LONP2: variants seen among roughly 807,000 people sequenced by gnomAD.
LONP2 encodes lon peptidase 2, peroxisomal.
LONP2 carries 60 observed loss-of-function variants against 85.6 expected under a neutral mutation model. The observed-to-expected ratio is 0.70, with a 90% CI of 0.57 to 0.87. The LOEUF (loss-of-function observed/expected upper bound fraction) is 0.87. Among genes scored for constraint, LONP2 ranks in the 40% least tolerant of loss-of-function variants. The pLI, the probability that LONP2 is intolerant of heterozygous loss-of-function variation, is 0.00. For missense variants in LONP2, 860 were observed against 1,063.5 expected, an observed-to-expected ratio of 0.81 and a Z score of 2.66; for synonymous variants, 395 against 389.7, an observed-to-expected ratio of 1.01 and a Z score of -0.16.
At chr16:48,301,695 G>C (rs1972808739) in intron 10 of LONP2, among the ~76,000 whole-genome samples, 1 of 151,710 alleles carries the variant, frequency 6.6e-6, no homozygotes, top group African/African-American at 2.4e-5. Context: ...TGGAACTCCT[G>C]AGCTCAAGTG....
intron 8 of LONP2, among the ~76,000 whole-genome samples, chr16:48,277,986 C>T (rs939891318): frequency 1.3e-5 from 2 of 151,486 alleles, no homozygotes; most frequent in African/African-American, 4.9e-5. Context: ...CCCACTGTAT[C>T]ATTTTTATAC....
At chr16:48,324,860 A>G (rs1973337018) in intron 11 of LONP2, among the ~76,000 whole-genome samples, 1 of 152,134 alleles carries the variant, frequency 6.6e-6, no homozygotes. Flanking sequence ...CAGTACATGT[A>G]TACATTGTGT....
intron 11 of LONP2, among the ~76,000 whole-genome samples, chr16:48,327,107 G>C (rs1348549970): frequency 6.6e-6 from 1 of 152,212 alleles, no homozygotes; most frequent in Non-Finnish European, 1.5e-5. Context: ...TGCTGTGAGT[G>C]CATTGCTGGT....
chr16:48,349,604 G>A (rs1410307119), intron 14 of LONP2, among the ~76,000 whole-genome samples: 1 of 152,208 alleles, frequency 6.6e-6, no homozygotes, highest in African/African-American at 2.4e-5. Context: ...AGGATGGAAA[G>A]CAGCAGCACT....
At chr16:48,247,910 C>T (rs917289307) in intron 1 of LONP2, among the ~76,000 whole-genome samples, 5 of 152,042 alleles carry the variant, frequency 3.3e-5, no homozygotes, top group Admixed American at 6.5e-5. Context: ...GGATTACAGG[C>T]GTGAGCCACC....
intron 1 of LONP2, among the ~76,000 whole-genome samples, chr16:48,249,669 A>G (rs1296311983): frequency 6.6e-6 from 1 of 152,006 alleles, no homozygotes; most frequent in Non-Finnish European, 1.5e-5. Flanking sequence ...TGAGGCCAGT[A>G]GTTGGAGATC....
In LONP2 at chr16:48,353,780, G is replaced by GTT. The variant is rs1343198754; in HGVS notation, c.*1979_*1980dup. The GTT allele has an allele frequency of 6.6e-6, 1 of 152,038 alleles. No individual in the cohort carries two copies. Among genetic ancestry groups the GTT allele is most frequent in the African/African-American group, 2.4e-5 (1 of 41,370 alleles). 9.4% of individuals were successfully genotyped at this position (152,038 alleles called of 1,614,324 possible). A position where few individuals can be genotyped will look rare whatever the true frequency, so the allele number is the denominator to read the frequency against. On this transcript the variant is annotated 3_prime_UTR_variant, in exon 15 of 15. Coordinates refer to ENST00000285737, the MANE Select transcript of LONP2 (RefSeq NM_031490.5). ...ATCCACACCCACATCGCTCTGCCCT[G>GTT]TTCCACCCAGCAGGGGCAACAAGGA... is the stretch of plus-strand genomic sequence containing the variant.
intron 11 of LONP2, among the ~76,000 whole-genome samples, chr16:48,328,227 T>C (rs564307394): frequency 3.3e-5 from 5 of 152,016 alleles, no homozygotes; most frequent in Non-Finnish European, 7.4e-5. Context: ...CTGGCCAACA[T>C]AGTGAAACCC....
At position 48,353,311 on chromosome 16, in the gene LONP2, G is replaced by C. The variant is rs1354428222; in HGVS notation, c.*1509G>C. 6.6e-6 allele frequency: 1 copy of C among 151,660 alleles called. No individual in the cohort carries two copies. Among genetic ancestry groups the C allele is most frequent in the African/African-American group, 2.4e-5 (1 of 41,226 alleles). 9.4% of individuals were successfully genotyped at this position (151,660 alleles called of 1,614,324 possible). ...ACTTAAGCTCAGGAGTTCAAGGCCA[G>C]CCTGGGCAACATGGCAAAACCCCAT... On this transcript the variant is annotated 3_prime_UTR_variant, in exon 15 of 15. Coordinates refer to ENST00000285737, the MANE Select transcript of LONP2 (RefSeq NM_031490.5).
At chr16:48,295,738 A>T (rs1381757016) in intron 8 of LONP2, among the ~76,000 whole-genome samples, 2 of 152,246 alleles carry the variant, frequency 1.3e-5, no homozygotes, top group Non-Finnish European at 2.9e-5. Flanking sequence ...TGAGTCATTA[A>T]TAAATAGATT....
At chr16:48,348,428 A>T (rs567153395) in intron 14 of LONP2, 138 bp downstream of exon 14, 1 of 413,888 alleles carries the variant, frequency 2.4e-6, no homozygotes, top group East Asian at 4.0e-5. Flanking sequence ...GCCTGTAACT[A>T]ATTCATATTT....
Position 48,258,502 on chromosome 16 carries a change from TG to T in LONP2, c.601-115del, listed in dbSNP as rs369301921. 74 of 1,013,618 alleles carry T rather than the reference TG, an allele frequency of 7.3e-5. 1 individual carries two copies. The highest frequency in any genetic ancestry group is 1.0e-4 in the Non-Finnish European group (73 of 715,290). 62.8% of individuals were successfully genotyped at this position (1,013,618 alleles called of 1,614,324 possible). A position where few individuals can be genotyped will look rare whatever the true frequency, so the allele number is the denominator to read the frequency against. ...GGTTGTCTTAGCCATAGTGTAGCTT[TG>T]AATACTGTTAATAATTTTTTTTTAA... On this transcript the variant is annotated intron_variant, in intron 3 of 14. Transcript: ENST00000285737.
chr16:48,269,125 G>T (rs74016362), intron 6 of LONP2, among the ~76,000 whole-genome samples: 2,072 of 151,548 alleles, frequency 0.014, 46 homozygotes, highest in African/African-American at 0.047. Flanking sequence ...TAGAAACAAA[G>T]CCTAACTCAT....
At chr16:48,254,813 A>T (rs962990844) in intron 2 of LONP2, among the ~76,000 whole-genome samples, 1 of 152,158 alleles carries the variant, frequency 6.6e-6, no homozygotes, top group Admixed American at 6.5e-5. Context: ...TCCTTTAGCC[A>T]TCCTGTACTG....
intron 2 of LONP2, among the ~76,000 whole-genome samples, chr16:48,253,183 T>C (rs185911257): frequency 6.4e-4 from 98 of 152,080 alleles, no homozygotes; most frequent in African/African-American, 2.3e-3. Context: ...AATAGTAAAT[T>C]TGAGGGCCAG....
At chr16:48,313,609 G>A (rs1973080709) in intron 11 of LONP2, among the ~76,000 whole-genome samples, 1 of 152,140 alleles carries the variant, frequency 6.6e-6, no homozygotes, top group Non-Finnish European at 1.5e-5. Flanking sequence ...TTAGTTTGTT[G>A]AGGATAATGG....
chr16:48,298,379 A>G (rs1279573741), intron 9 of LONP2, among the ~76,000 whole-genome samples: 1 of 152,170 alleles, frequency 6.6e-6, no homozygotes, highest in African/African-American at 2.4e-5. Context: ...AAATAAGAAC[A>G]TTATGTGTTC....
intron 11 of LONP2, among the ~76,000 whole-genome samples, chr16:48,331,657 C>T (rs542439692): frequency 3.3e-4 from 50 of 151,898 alleles, no homozygotes; most frequent in African/African-American, 1.4e-4. Context: ...CTCTGCCTCC[C>T]GGGTTCACGC....
At chr16:48,267,656 G>A (rs145271454) in intron 6 of LONP2, among the ~76,000 whole-genome samples, 1 of 150,336 alleles carries the variant, frequency 6.7e-6, no homozygotes, top group Admixed American at 6.6e-5. Context: ...TGCCCTGTCG[G>A]CCAGGCTGTA....
Sources: allele counts gnomAD v4.1 joint callset (sites outside exome capture counted in the v4.1 genomes callset), GRCh38; gene constraint gnomAD v4.1.1; transcripts MANE v1.5; gene names NCBI Gene and HGNC (gene_info 2026-07-23, HGNC 2026-07-21).